Variants in PACSIN2 observed in about 807,000 individuals in gnomAD.
The protein encoded by PACSIN2 is protein kinase C and casein kinase substrate in neurons 2.
PACSIN2 carries 25 observed loss-of-function variants against 63.8 expected under a neutral mutation model. The ratio of observed to expected loss-of-function variants is 0.39; its 90% confidence interval spans 0.29 to 0.55. The LOEUF (loss-of-function observed/expected upper bound fraction) is 0.55. Ranked by LOEUF, PACSIN2 falls within the 20% of genes least tolerant of loss-of-function variation. The pLI, the probability that PACSIN2 is intolerant of heterozygous loss-of-function variation, is 0.62. For missense variants in PACSIN2, 518 were observed against 646.9 expected (o/e 0.80, Z 2.16); for synonymous variants, 255 against 256.2 (o/e 1.00, Z 0.05).
At chr22:42,961,914 G>A (rs779613520) in intron 1 of PACSIN2, among the ~76,000 whole-genome samples, 29 of 152,036 alleles carry the variant, frequency 1.9e-4, no homozygotes, top group Admixed American at 1.8e-3. Flanking sequence ...CACACAGCCC[G>A]TCACCAAAAA....
chr22:43,014,887 C>T (rs954963806), intron 1 of PACSIN2, 134 bp downstream of exon 1: 2 of 150,770 alleles, frequency 1.3e-5, no homozygotes, highest in African/African-American at 2.4e-5. Flanking sequence ...GCGGCCCGAC[C>T]CGCTTCCCTC....
intron 1 of PACSIN2, among the ~76,000 whole-genome samples, chr22:42,981,379 A>G (rs1922107103): frequency 1.5e-5 from 2 of 130,212 alleles, no homozygotes; most frequent in South Asian, 2.6e-4. Context: ...CCGCCCGACC[A>G]GCCGCCCCGT....
chr22:42,903,373 C>T (rs990023041), intron 2 of PACSIN2, among the ~76,000 whole-genome samples: 4 of 152,242 alleles, frequency 2.6e-5, no homozygotes, highest in African/African-American at 9.6e-5. Context: ...GCTGAATCTT[C>T]CTTTCCAAAC....
chr22:42,875,602 C>G (rs1364941066), intron 10 of PACSIN2, among the ~76,000 whole-genome samples: 1 of 151,982 alleles, frequency 6.6e-6, no homozygotes, highest in Non-Finnish European at 1.5e-5. Flanking sequence ...GTGGTGTGAC[C>G]TTGGCTCACT....
intron 1 of PACSIN2, among the ~76,000 whole-genome samples, chr22:43,004,076 C>G (rs1923938516): frequency 6.6e-6 from 1 of 152,186 alleles, no homozygotes; most frequent in Non-Finnish European, 1.5e-5. Flanking sequence ...GATTAATTAT[C>G]TTTTAAAGAT....
At chr22:42,957,199 T>C (rs773057987) in intron 1 of PACSIN2, among the ~76,000 whole-genome samples, 1 of 152,234 alleles carries the variant, frequency 6.6e-6, no homozygotes, top group Non-Finnish European at 1.5e-5. Flanking sequence ...AAGACAGTTC[T>C]GACACACTGC....
chr22:42,873,870 TG>T (rs1928365829), intron 10 of PACSIN2, among the ~76,000 whole-genome samples: 1 of 151,832 alleles, frequency 6.6e-6, no homozygotes, highest in Non-Finnish European at 1.5e-5. Context: ...CTCAGCTCAC[TG>T]CAACCTCCAC....
At chr22:42,959,051 G>A (rs1289892463) in intron 1 of PACSIN2, among the ~76,000 whole-genome samples, 1 of 152,154 alleles carries the variant, frequency 6.6e-6, no homozygotes, top group Non-Finnish European at 1.5e-5. Flanking sequence ...TATAAACAGT[G>A]TCTAGTGACA....
chr22:42,960,675 TC>T (rs1188478152), intron 1 of PACSIN2, among the ~76,000 whole-genome samples: 2 of 152,136 alleles, frequency 1.3e-5, no homozygotes, highest in Non-Finnish European at 2.9e-5. Context: ...GCGTAACTAA[TC>T]TACACCCTTC....
At chr22:42,907,927 A>C (rs1456569146) in intron 2 of PACSIN2, among the ~76,000 whole-genome samples, 2 of 152,244 alleles carry the variant, frequency 1.3e-5, no homozygotes, top group Admixed American at 6.5e-5. Flanking sequence ...GCAGTGCTAG[A>C]GTCTGAGAGA....
At chr22:42,933,292 G>C (rs1932820482) in intron 1 of PACSIN2, among the ~76,000 whole-genome samples, 1 of 152,188 alleles carries the variant, frequency 6.6e-6, no homozygotes, top group South Asian at 2.1e-4. Context: ...AAAGCAATGA[G>C]ATGTAGAAAG....
Position 42,884,550 on chromosome 22 carries a change from C to G in PACSIN2, c.621G>C (p.Lys207Asn). The G allele has an allele frequency of 6.2e-7, 1 of 1,613,676 alleles. No homozygotes were observed. The highest frequency in any genetic ancestry group is 8.5e-7 in the Non-Finnish European group (1 of 1,179,806). Residue 207 changes from lysine to asparagine, a missense_variant, in exon 6 of 11, where the codon AAG (lysine) becomes AAC (asparagine). Around this residue, in one of 2 missense-constraint regions of PACSIN2, gnomAD observed 507 missense variants for 612.3 expected, o/e 0.83. Transcript: ENST00000263246. ...CGAGTTCCTTCAGGGACTTCTCATA[C>G]TTCTCTTTGGTCTAAAGGAAAATCC... Reference protein sequence around the residue: ...CKQDVLKTKEKYEKSLKELDQ... With the variant: ...CKQDVLKTKENYEKSLKELDQ...
intron 1 of PACSIN2, among the ~76,000 whole-genome samples, chr22:42,947,772 C>T (rs1282921527): frequency 6.6e-6 from 1 of 152,184 alleles, no homozygotes; most frequent in Non-Finnish European, 1.5e-5. Context: ...ATCCAATCTG[C>T]CTGACAGGTT....
At chr22:42,946,465 G>C (rs1160309720) in intron 1 of PACSIN2, among the ~76,000 whole-genome samples, 1 of 152,212 alleles carries the variant, frequency 6.6e-6, no homozygotes, top group African/African-American at 2.4e-5. Flanking sequence ...TGAGGCACAA[G>C]AATCACTTGA....
chr22:43,001,713 A>G (rs1180205814), intron 1 of PACSIN2, among the ~76,000 whole-genome samples: 1 of 152,230 alleles, frequency 6.6e-6, no homozygotes, highest in Non-Finnish European at 1.5e-5. Context: ...TAGCTGGGAT[A>G]AGAGGAACCA....
At chr22:42,964,463 C>T (rs1268059729) in intron 1 of PACSIN2, among the ~76,000 whole-genome samples, 1 of 150,332 alleles carries the variant, frequency 6.7e-6, no homozygotes, top group Non-Finnish European at 1.5e-5. Flanking sequence ...CATGGGCACA[C>T]AATAATTGGG....
intron 1 of PACSIN2, among the ~76,000 whole-genome samples, chr22:43,012,653 AT>A (rs888300681): frequency 4.7e-3 from 663 of 141,172 alleles, no homozygotes; most frequent in African/African-American, 4.2e-3. Context: ...CGCCAGACTA[AT>A]TTTTTTTTTT....
At chr22:42,931,312 G>C (rs1208282926) in intron 1 of PACSIN2, among the ~76,000 whole-genome samples, 1 of 152,232 alleles carries the variant, frequency 6.6e-6, no homozygotes, top group African/African-American at 2.4e-5. Context: ...TCCTCATCCA[G>C]AAAACAAAAC....
At chr22:42,927,009 C>A (rs1419908086) in intron 1 of PACSIN2, among the ~76,000 whole-genome samples, 2 of 152,200 alleles carry the variant, frequency 1.3e-5, no homozygotes, top group African/African-American at 2.4e-5. Context: ...CCTCCCCACA[C>A]TGCCAAGCCC....
Sources: allele counts gnomAD v4.1 joint callset (sites outside exome capture counted in the v4.1 genomes callset), GRCh38; gene constraint gnomAD v4.1.1; regional missense constraint gnomAD v4.1.1; transcripts MANE v1.5; gene names NCBI Gene and HGNC (gene_info 2026-07-23, HGNC 2026-07-21).